The following TMEM272 variants were observed in gnomAD, a reference collection of about 807,000 sequenced individuals.
TMEM272 encodes the protein long intergenic non-protein coding RNA 282.
In TMEM272, 8 loss-of-function variants were observed where a neutral mutation model predicts 3.7. That is an observed-to-expected ratio of 2.17 (90% confidence interval 1.27 to 3.91). The LOEUF (loss-of-function observed/expected upper bound fraction) is 3.91, where lower values mean the gene tolerates loss of function less well. Among genes scored for constraint, TMEM272 ranks in the 30% most tolerant of loss-of-function variants. The pLI is 0.00. For missense variants in TMEM272, 166 were observed against 91.5 expected, an observed-to-expected ratio of 1.81 and a Z score of -3.32; for synonymous variants, 63 against 39.8, an observed-to-expected ratio of 1.58 and a Z score of -2.20.
the TMEM272 span, among the ~76,000 whole-genome samples, chr13:51,886,996 A>ACCCAAT: frequency 1.3e-5 from 2 of 152,174 alleles, no homozygotes; most frequent in African/African-American, 4.8e-5. Context: ...CAGAAATTCT[A>ACCCAAT]CCCAATCCCA....
At chr13:51,890,905 A>G in the TMEM272 span, among the ~76,000 whole-genome samples, 1 of 152,230 alleles carries the variant, frequency 6.6e-6, no homozygotes, top group Non-Finnish European at 1.5e-5. Context: ...ATGCCCAATA[A>G]AAGCCAATTA....
chr13:51,892,140 T>G, the TMEM272 span, among the ~76,000 whole-genome samples: 5 of 152,200 alleles, frequency 3.3e-5, no homozygotes, highest in African/African-American at 1.2e-4. Flanking sequence ...CTGAGTCTCC[T>G]GTGGCACCTG....
chr13:51,903,423 T>C, the TMEM272 span, among the ~76,000 whole-genome samples: 5 of 152,020 alleles, frequency 3.3e-5, no homozygotes, highest in Admixed American at 3.3e-4. Flanking sequence ...GAGGGAGAGG[T>C]GGCACACCAA....
chr13:51,919,420 T>C, the TMEM272 span, among the ~76,000 whole-genome samples: 1 of 152,140 alleles, frequency 6.6e-6, no homozygotes, highest in Non-Finnish European at 1.5e-5. Context: ...CCAGACCCCA[T>C]TCTCTTCTCT....
the TMEM272 span, among the ~76,000 whole-genome samples, chr13:51,875,589 C>A: frequency 6.6e-6 from 1 of 152,210 alleles, no homozygotes; most frequent in African/African-American, 2.4e-5. Context: ...CCACCTACCC[C>A]TCTCCAGACC....
At chr13:51,865,893 A>G in the TMEM272 span, 3 of 1,613,546 alleles carry the variant, frequency 1.9e-6, no homozygotes, top group Non-Finnish European at 2.5e-6. Context: ...GCCCTCCTTG[A>G]GGGGGAGAAA....
At chr13:51,855,053 A>C in the TMEM272 span, among the ~76,000 whole-genome samples, 1 of 152,214 alleles carries the variant, frequency 6.6e-6, no homozygotes, top group East Asian at 1.9e-4. Flanking sequence ...AAGACAGTGG[A>C]GGTGAAGATT....
chr13:51,848,844 C>A (rs1048611417), upstream of TMEM272, among the ~76,000 whole-genome samples: 1 of 152,150 alleles, frequency 6.6e-6, no homozygotes, highest in Non-Finnish European at 1.5e-5. Context: ...TTGTCTTCGT[C>A]TTTGCTTGTG....
At chr13:51,895,601 CT>C in the TMEM272 span, among the ~76,000 whole-genome samples, 1 of 152,100 alleles carries the variant, frequency 6.6e-6, no homozygotes, top group African/African-American at 2.4e-5. Context: ...GAAGCTAGGG[CT>C]ACCAAGATAG....
chr13:51,841,527 T>C (rs1316349993), intron 1 of TMEM272, among the ~76,000 whole-genome samples: 1 of 152,200 alleles, frequency 6.6e-6, no homozygotes, highest in African/African-American at 2.4e-5. Flanking sequence ...TTCCCTGGGG[T>C]AAGAGGTCAC....
intron 3 of TMEM272, among the ~76,000 whole-genome samples, chr13:51,823,784 T>A (rs1276868541): frequency 6.6e-6 from 1 of 152,240 alleles, no homozygotes; most frequent in Admixed American, 6.5e-5. Context: ...AGTAAACTGT[T>A]TTTCTATGAC....
the TMEM272 span, among the ~76,000 whole-genome samples, chr13:51,871,147 T>A: frequency 6.6e-6 from 1 of 151,706 alleles, no homozygotes; most frequent in African/African-American, 2.4e-5. Context: ...TGAGTAGGGC[T>A]GATCTGTGTG....
At chr13:51,901,015 A>T in the TMEM272 span, among the ~76,000 whole-genome samples, 1 of 152,228 alleles carries the variant, frequency 6.6e-6, no homozygotes. Context: ...GGTGGTGAAA[A>T]TGTTCTAAAA....
At chr13:51,921,872 C>T in the TMEM272 span, among the ~76,000 whole-genome samples, 2 of 152,190 alleles carry the variant, frequency 1.3e-5, no homozygotes, top group African/African-American at 4.8e-5. Context: ...ATCTTTCTCA[C>T]ATTCTTTCTC....
chr13:51,841,040 TCATGAG>T (rs1242878712), intron 1 of TMEM272, among the ~76,000 whole-genome samples: 1 of 152,234 alleles, frequency 6.6e-6, no homozygotes. Context: ...TGTCCACACT[TCATGAG>T]GTTGATTGCC....
the TMEM272 span, among the ~76,000 whole-genome samples, chr13:51,886,840 A>G: frequency 6.6e-6 from 1 of 152,190 alleles, no homozygotes; most frequent in Non-Finnish European, 1.5e-5. Context: ...AAGTCAAATA[A>G]CTTAGTCGCT....
chr13:51,883,435 A>G, the TMEM272 span, among the ~76,000 whole-genome samples: 3 of 152,194 alleles, frequency 2.0e-5, no homozygotes, highest in Non-Finnish European at 4.4e-5. Context: ...TCTTGACCCA[A>G]GAAGGGGCCT....
At chr13:51,871,058 A>G in the TMEM272 span, among the ~76,000 whole-genome samples, 118 of 151,706 alleles carry the variant, frequency 7.8e-4, no homozygotes, top group South Asian at 0.011. Context: ...CCTCCCCACC[A>G]TAGGAGCCAA....
the TMEM272 span, among the ~76,000 whole-genome samples, chr13:51,912,960 T>C: frequency 6.6e-6 from 1 of 152,228 alleles, no homozygotes; most frequent in East Asian, 1.9e-4. Flanking sequence ...CTGCCTGCCA[T>C]TCAGGACTAA....
Sources: gnomAD v4.1 joint callset for allele counts (sites outside exome capture counted in the v4.1 genomes callset) on GRCh38, gnomAD v4.1.1 for gene constraint, MANE v1.5 for transcripts, NCBI Gene and HGNC (gene_info 2026-07-23, HGNC 2026-07-21) for gene names.